Variants in CACNA2D1 observed in about 807,000 individuals in gnomAD.
CACNA2D1 encodes the protein calcium voltage-gated channel auxiliary subunit alpha2delta 1.
In CACNA2D1, 53 loss-of-function variants were observed where a neutral mutation model predicts 171.5. That is an observed-to-expected ratio of 0.31 (90% CI 0.25 to 0.39). CACNA2D1 has a LOEUF of 0.39. Ranked by LOEUF, CACNA2D1 falls within the 10% of genes least tolerant of loss-of-function variation. The pLI, the probability that CACNA2D1 is intolerant of heterozygous loss-of-function variation, is 1.00. For synonymous variants in CACNA2D1, 442 were observed against 443.1 expected, an observed-to-expected ratio of 1.00 and a Z score of 0.03; for missense variants, 903 against 1,299.8, an observed-to-expected ratio of 0.69 and a Z score of 4.69.
At chr7:82,262,458 A>T (rs1174348493) in intron 3 of CACNA2D1, among the ~76,000 whole-genome samples, 2 of 152,184 alleles carry the variant, frequency 1.3e-5, no homozygotes, top group Non-Finnish European at 2.9e-5. Context: ...TAAACAGAGA[A>T]AGCTTTAGCC....
rs1305437693 is a variant in CACNA2D1, at chr7:81,950,352, G to A, written c.*40C>T. On this transcript the variant is annotated 3_prime_UTR_variant, in exon 39 of 39. Coordinates refer to ENST00000356860, the MANE Select transcript of CACNA2D1 (RefSeq NM_000722.4). ...TGAGGGCAGGGCTCATGTTTTGGCA[G>A]GGTCTGGAGTTTAACTATGCAGATT... 1.2e-6 allele frequency: 2 copies of A among 1,612,756 alleles called. No homozygotes were observed. The highest frequency in any genetic ancestry group is 1.7e-6 in the Non-Finnish European group (2 of 1,179,182).
Position 81,974,650 on chromosome 7 carries a change from CA to C in CACNA2D1, c.1956-99del, listed in dbSNP as rs138987517. The C allele has an allele frequency of 0.34, 221,518 of 651,512 alleles. 40,143 individuals carry two copies. Among genetic ancestry groups the C allele is most frequent in the Non-Finnish European group, 0.38 (138,006 of 366,452 alleles). 40.4% of individuals were successfully genotyped at this position (651,512 alleles called of 1,614,324 possible). ...CACTATTTTTTTTTTTTATTAGCCA[CA>C]AGACTTTGCAAACTATTGAGCTTCT... is the stretch of plus-strand genomic sequence containing the variant. On this transcript the variant is annotated intron_variant, in intron 24 of 38. Transcript: ENST00000356860.
At chr7:82,324,383 A>G (rs1816375467) in intron 3 of CACNA2D1, among the ~76,000 whole-genome samples, 1 of 101,264 alleles carries the variant, frequency 9.9e-6, no homozygotes. Flanking sequence ...GGAAGGAAGG[A>G]GTTGTTTTAA....
chr7:82,144,339 C>T (rs1439130145), intron 4 of CACNA2D1, among the ~76,000 whole-genome samples: 1 of 151,988 alleles, frequency 6.6e-6, no homozygotes, highest in African/African-American at 2.4e-5. Flanking sequence ...TGTAGCTTTA[C>T]AAAAATTTCA....
chr7:82,140,388 T>G (rs1050495636), intron 4 of CACNA2D1, among the ~76,000 whole-genome samples: 3 of 152,196 alleles, frequency 2.0e-5, no homozygotes, highest in Non-Finnish European at 2.9e-5. Context: ...AATATGCTTT[T>G]CTTTCCCAAA....
At chr7:82,188,682 G>T (rs1371165596) in intron 3 of CACNA2D1, among the ~76,000 whole-genome samples, 2 of 151,980 alleles carry the variant, frequency 1.3e-5, no homozygotes, top group Non-Finnish European at 2.9e-5. Context: ...TATACCCAAA[G>T]GAATAGAAAT....
chr7:82,172,785 A>T (rs1170719305), intron 3 of CACNA2D1, among the ~76,000 whole-genome samples: 10 of 124,466 alleles, frequency 8.0e-5, no homozygotes, highest in East Asian at 2.1e-4. Context: ...TCCCCCATTT[A>T]AAAAAAAAAA....
intron 3 of CACNA2D1, among the ~76,000 whole-genome samples, chr7:82,189,030 G>A (rs571787538): frequency 6.6e-5 from 10 of 152,032 alleles, no homozygotes; most frequent in East Asian, 5.8e-4. Flanking sequence ...TGTAGAGGGC[G>A]GGAGGAGGGT....
chr7:82,337,006 G>A (rs753502897), intron 2 of CACNA2D1, among the ~76,000 whole-genome samples: 24 of 152,026 alleles, frequency 1.6e-4, no homozygotes, highest in South Asian at 1.2e-3. Context: ...CTACATACAT[G>A]TGCCGGACAT....
chr7:81,988,260 C>T (rs181248755), intron 21 of CACNA2D1, among the ~76,000 whole-genome samples: 305 of 151,946 alleles, frequency 2.0e-3, no homozygotes, highest in African/African-American at 6.9e-3. Context: ...CACCTTTTGA[C>T]AAGTTAATCC....
chr7:82,285,005 T>G (rs1810573521), intron 3 of CACNA2D1, among the ~76,000 whole-genome samples: 1 of 152,042 alleles, frequency 6.6e-6, no homozygotes, highest in Admixed American at 6.6e-5. Flanking sequence ...CCACATCTAC[T>G]AGCAATAGAT....
chr7:82,335,345 AT>A, intron 2 of CACNA2D1, 94 bp from the exon 3 acceptor site: 1 of 768,996 alleles, frequency 1.3e-6, no homozygotes, highest in Non-Finnish European at 2.3e-6. Flanking sequence ...TAAACAACTG[AT>A]TAGAAACACC....
chr7:82,226,889 T>C (rs542510921), intron 3 of CACNA2D1, among the ~76,000 whole-genome samples: 28 of 152,304 alleles, frequency 1.8e-4, no homozygotes, highest in Non-Finnish European at 3.5e-4. Context: ...CAGTTTAACT[T>C]GTACTATAAA....
intron 24 of CACNA2D1, among the ~76,000 whole-genome samples, chr7:81,981,894 T>C (rs1796474310): frequency 6.6e-6 from 1 of 152,142 alleles, no homozygotes; most frequent in East Asian, 1.9e-4. Context: ...TCCCAGAAAG[T>C]TGAATTAGAC....
At chr7:82,008,250 A>G (rs1799347418) in intron 15 of CACNA2D1, among the ~76,000 whole-genome samples, 1 of 152,152 alleles carries the variant, frequency 6.6e-6, no homozygotes, top group Non-Finnish European at 1.5e-5. Context: ...AACATGATAA[A>G]TAAAAGAAAC....
chr7:82,175,168 T>A (rs1585005440), intron 3 of CACNA2D1, among the ~76,000 whole-genome samples: 1 of 151,984 alleles, frequency 6.6e-6, no homozygotes, highest in Non-Finnish European at 1.5e-5. Context: ...AAATTTTCTT[T>A]TGATAGCTTT....
At chr7:82,312,087 C>T (rs1387035198) in intron 3 of CACNA2D1, among the ~76,000 whole-genome samples, 1 of 152,136 alleles carries the variant, frequency 6.6e-6, no homozygotes, top group African/African-American at 2.4e-5. Flanking sequence ...AAAGTTACAG[C>T]AAAGTCAACT....
chr7:82,262,130 G>A (rs1305495954), intron 3 of CACNA2D1, among the ~76,000 whole-genome samples: 1 of 152,162 alleles, frequency 6.6e-6, no homozygotes, highest in Non-Finnish European at 1.5e-5. Context: ...AGGAGATCGA[G>A]ACCATCCTGG....
intron 9 of CACNA2D1, among the ~76,000 whole-genome samples, chr7:82,061,560 T>C (rs1212434213): frequency 1.3e-5 from 2 of 152,166 alleles, no homozygotes; most frequent in Non-Finnish European, 2.9e-5. Flanking sequence ...ATTTTGGCAT[T>C]TTCTCTCTCT....
Sources: gnomAD v4.1 joint callset for allele counts (sites outside exome capture counted in the v4.1 genomes callset) on GRCh38, gnomAD v4.1.1 for gene constraint, MANE v1.5 for transcripts, NCBI Gene and HGNC (gene_info 2026-07-23, HGNC 2026-07-21) for gene names.